The following FBXW8 variants were observed in gnomAD, a reference collection of about 807,000 sequenced individuals.
FBXW8 encodes the protein F-box/WD repeat-containing protein 8.
Under a neutral mutation model 65.3 loss-of-function variants are expected in FBXW8, and 57 were observed. That is an observed-to-expected ratio of 0.87 (90% CI 0.71 to 1.09). The LOEUF is 1.09. Among genes scored for constraint, FBXW8 ranks in the 50% least tolerant of loss-of-function variants. The pLI, the probability that FBXW8 is intolerant of heterozygous loss-of-function variation, is 0.00. For synonymous variants in FBXW8, 308 were observed against 330.2 expected (o/e 0.93, Z 0.73); for missense variants, 777 against 814.8 (o/e 0.95, Z 0.57).
At chr12:117,016,781 G>A (rs1216712446) in intron 8 of FBXW8, among the ~76,000 whole-genome samples, 1 of 152,036 alleles carries the variant, frequency 6.6e-6, no homozygotes, top group African/African-American at 2.4e-5. Context: ...ACTGAGGTCT[G>A]TGATCCATTT....
At chr12:116,914,483 G>A (rs1397478380) in intron 1 of FBXW8, among the ~76,000 whole-genome samples, 2 of 150,692 alleles carry the variant, frequency 1.3e-5, no homozygotes, top group African/African-American at 2.4e-5. Flanking sequence ...TGATGTGGGA[G>A]GATTGATTGA....
At chr12:116,972,612 G>T (rs1884702034) in intron 5 of FBXW8, among the ~76,000 whole-genome samples, 1 of 152,132 alleles carries the variant, frequency 6.6e-6, no homozygotes, top group South Asian at 2.1e-4. Flanking sequence ...GAGCTTGGCG[G>T]CATACAGGGA....
intron 8 of FBXW8, among the ~76,000 whole-genome samples, chr12:117,020,692 G>GGGT (rs994235780): frequency 2.0e-5 from 3 of 152,158 alleles, no homozygotes; most frequent in African/African-American, 7.2e-5. Flanking sequence ...TCCCTGCCTA[G>GGGT]GGTGGCCCTT....
At chr12:116,943,691 A>G (rs1346121408) in intron 2 of FBXW8, among the ~76,000 whole-genome samples, 1 of 152,196 alleles carries the variant, frequency 6.6e-6, no homozygotes, top group Non-Finnish European at 1.5e-5. Context: ...CTGGGCACAC[A>G]CATAGCCCTA....
intron 5 of FBXW8, among the ~76,000 whole-genome samples, chr12:116,971,748 T>G (rs1884661574): frequency 6.6e-6 from 1 of 152,226 alleles, no homozygotes; most frequent in Non-Finnish European, 1.5e-5. Flanking sequence ...AAACTAGATC[T>G]TTTGACCCCA....
intron 5 of FBXW8, among the ~76,000 whole-genome samples, chr12:116,968,541 T>G (rs1373180915): frequency 6.6e-6 from 1 of 152,210 alleles, no homozygotes; most frequent in Non-Finnish European, 1.5e-5. Context: ...GAAGGACAGT[T>G]GTGTTGTGTT....
At chr12:117,027,618 C>T in intron 10 of FBXW8, 114 bp downstream of exon 10, 1 of 832,172 alleles carries the variant, frequency 1.2e-6, no homozygotes. Flanking sequence ...CAGGCAGGGC[C>T]CTGCCTTTCT....
chr12:116,973,557 T>C (rs1437961346), intron 5 of FBXW8, among the ~76,000 whole-genome samples: 4 of 152,330 alleles, frequency 2.6e-5, no homozygotes, highest in East Asian at 3.9e-4. Context: ...TTCTTTGATA[T>C]TATTCCAGCC....
At chr12:116,965,925 ATTTTTTTTTT>A (rs10630126) in intron 5 of FBXW8, among the ~76,000 whole-genome samples, 1 of 137,338 alleles carries the variant, frequency 7.3e-6, no homozygotes, top group Non-Finnish European at 1.5e-5. Context: ...TGCCCAGCTA[ATTTTTTTTTT>A]TTTTTTTTTA....
intron 2 of FBXW8, among the ~76,000 whole-genome samples, chr12:116,941,341 T>G (rs1271267864): frequency 6.6e-6 from 1 of 152,162 alleles, no homozygotes; most frequent in East Asian, 1.9e-4. Context: ...AGCATTAGAG[T>G]GTGACACTTA....
chr12:116,918,595 C>G (rs189387484), intron 1 of FBXW8, among the ~76,000 whole-genome samples: 8 of 152,326 alleles, frequency 5.3e-5, no homozygotes, highest in African/African-American at 1.9e-4. Context: ...CTTAGCAACT[C>G]AAGGGAAAGA....
At chr12:116,945,125 A>G (rs1329951641) in intron 2 of FBXW8, among the ~76,000 whole-genome samples, 2 of 152,228 alleles carry the variant, frequency 1.3e-5, no homozygotes, top group African/African-American at 4.8e-5. Flanking sequence ...TTAGATTACA[A>G]TATAACCAAG....
In FBXW8 at chr12:117,020,091, G is replaced by A. The variant is rs192114260; in HGVS notation, c.1368-4056G>A. ...CATGTCCCCCAGCACACACCTGTGC[G>A]CACGGCTGCCAGTCAGCCTGTGTAG... On this transcript the variant is annotated intron_variant, in intron 8 of 10. Coordinates refer to ENST00000652555, the MANE Select transcript of FBXW8 (RefSeq NM_153348.3). 5.4e-3 allele frequency among the ~76,000 whole-genome samples: 821 copies of A among 152,282 alleles called. 10 individuals carry two copies. The highest frequency in any genetic ancestry group is 0.019 in the African/African-American group (787 of 41,556).
intron 7 of FBXW8, among the ~76,000 whole-genome samples, chr12:117,004,583 G>A (rs1349326824): frequency 1.3e-5 from 2 of 152,210 alleles, no homozygotes; most frequent in Non-Finnish European, 2.9e-5. Context: ...CCCAGAACTT[G>A]TGTGGGGGCA....
intron 5 of FBXW8, among the ~76,000 whole-genome samples, chr12:116,967,590 C>T (rs1884402873): frequency 6.6e-6 from 1 of 152,210 alleles, no homozygotes; most frequent in Admixed American, 6.5e-5. Flanking sequence ...TCTTTAATTA[C>T]ATGTGGACAT....
chr12:116,962,113 C>G (rs965600851), intron 4 of FBXW8, among the ~76,000 whole-genome samples: 3 of 152,118 alleles, frequency 2.0e-5, no homozygotes, highest in Non-Finnish European at 4.4e-5. Context: ...ATAAGGAATT[C>G]AGACACAGGC....
At chr12:116,977,897 C>T (rs1885056664) in intron 5 of FBXW8, 1 of 152,188 alleles carries the variant, frequency 6.6e-6, no homozygotes, top group Non-Finnish European at 1.5e-5. Flanking sequence ...ATTTTTCATT[C>T]TTCTTTTTCA....
intron 4 of FBXW8, among the ~76,000 whole-genome samples, chr12:116,960,424 AC>A (rs1224883940): frequency 1.3e-5 from 2 of 152,188 alleles, no homozygotes; most frequent in East Asian, 3.9e-4. Flanking sequence ...TTTATATTTT[AC>A]CTCCTGAGTC....
intron 5 of FBXW8, among the ~76,000 whole-genome samples, chr12:116,983,533 C>T (rs1422734223): frequency 6.6e-6 from 1 of 152,180 alleles, no homozygotes; most frequent in African/African-American, 2.4e-5. Flanking sequence ...TCTTCCAATT[C>T]TCTATATTTA....
Sources: allele counts gnomAD v4.1 joint callset (sites outside exome capture counted in the v4.1 genomes callset), GRCh38; gene constraint gnomAD v4.1.1; transcripts MANE v1.5; gene names NCBI Gene and HGNC (gene_info 2026-07-23, HGNC 2026-07-21).